Variants in SSBP2 observed in about 807,000 individuals in gnomAD.
SSBP2 encodes the protein single-stranded DNA-binding protein 2.
In SSBP2, 17 loss-of-function variants were observed where a neutral mutation model predicts 61.8. That is an observed-to-expected ratio of 0.28 (90% CI 0.19 to 0.41). SSBP2 has a LOEUF of 0.41. Among genes scored for constraint, SSBP2 ranks in the 10% least tolerant of loss-of-function variants. The pLI, the probability that SSBP2 is intolerant of heterozygous loss-of-function variation, is 1.00. For missense variants in SSBP2, 310 were observed against 458.7 expected (o/e 0.68, Z 2.96); for synonymous variants, 139 against 141.3 (o/e 0.98, Z 0.12).
chr5:81,654,690 G>C (rs1337229076), intron 1 of SSBP2, among the ~76,000 whole-genome samples: 1 of 152,168 alleles, frequency 6.6e-6, no homozygotes, highest in African/African-American at 2.4e-5. Context: ...AGAATGTCCA[G>C]AAAGTTCTGG....
At chr5:81,721,705 A>G (rs1755552498) in intron 1 of SSBP2, among the ~76,000 whole-genome samples, 1 of 152,138 alleles carries the variant, frequency 6.6e-6, no homozygotes, top group Non-Finnish European at 1.5e-5. Context: ...AACCTGAACT[A>G]AATTCTCTAA....
At chr5:81,421,088 A>C (rs1020336858) in intron 16 of SSBP2, among the ~76,000 whole-genome samples, 2 of 152,190 alleles carry the variant, frequency 1.3e-5, no homozygotes, top group African/African-American at 4.8e-5. Context: ...AAACAGAAAC[A>C]ACTCCAAGCT....
intron 4 of SSBP2, among the ~76,000 whole-genome samples, chr5:81,533,304 C>T (rs901522233): frequency 3.3e-5 from 5 of 150,990 alleles, no homozygotes; most frequent in African/African-American, 1.2e-4. Context: ...GACAAAATTG[C>T]ATGGGAAATT....
At chr5:81,583,446 G>A (rs1055950171) in intron 4 of SSBP2, among the ~76,000 whole-genome samples, 33 of 151,930 alleles carry the variant, frequency 2.2e-4, no homozygotes, top group East Asian at 1.4e-3. Flanking sequence ...TGGCTAACAC[G>A]GTGAAACCCC....
chr5:81,559,423 C>T (rs1189631193), intron 4 of SSBP2, among the ~76,000 whole-genome samples: 1 of 149,272 alleles, frequency 6.7e-6, no homozygotes, highest in Non-Finnish European at 1.5e-5. Context: ...GGCATGGTGG[C>T]ACATGCCTGT....
chr5:81,600,211 C>T (rs1330602152), intron 4 of SSBP2, among the ~76,000 whole-genome samples: 2 of 152,046 alleles, frequency 1.3e-5, no homozygotes, highest in Non-Finnish European at 1.5e-5. Context: ...CTGTGGATCA[C>T]AAATAATGCA....
intron 1 of SSBP2, among the ~76,000 whole-genome samples, chr5:81,688,664 G>A (rs1752995754): frequency 6.6e-6 from 1 of 152,190 alleles, no homozygotes; most frequent in Non-Finnish European, 1.5e-5. Flanking sequence ...AGACCAACAA[G>A]GCAGTACCTC....
intron 4 of SSBP2, among the ~76,000 whole-genome samples, chr5:81,583,377 C>G (rs895873676): frequency 1.3e-5 from 2 of 152,056 alleles, no homozygotes; most frequent in Non-Finnish European, 2.9e-5. Flanking sequence ...CGCTTGTAAT[C>G]CCAGCACTTT....
chr5:81,421,352 A>C (rs1471197925), intron 16 of SSBP2, among the ~76,000 whole-genome samples: 2 of 151,938 alleles, frequency 1.3e-5, no homozygotes, highest in Non-Finnish European at 2.9e-5. Flanking sequence ...GCCACCATGC[A>C]TGGCTAATTT....
rs571167851 is a variant in SSBP2, at chr5:81,741,297, A to G, written c.62+9684T>C. Among the ~76,000 whole-genome samples, 68 of 152,356 alleles carry G rather than the reference A, an allele frequency of 4.5e-4. No individual in the cohort carries two copies. In the South Asian group the frequency reaches 0.014, roughly 31 times the overall value. ...CGAATAGTCAAATTCTTGGAGACAG[A>G]AAATAGAATGGTAGTTGTCAAGGGC... On this transcript the variant is annotated intron_variant, in intron 1 of 16. Transcript: ENST00000320672.
At chr5:81,484,119 A>G (rs1018898266) in intron 6 of SSBP2, among the ~76,000 whole-genome samples, 20 of 152,174 alleles carry the variant, frequency 1.3e-4, no homozygotes, top group African/African-American at 4.8e-4. Flanking sequence ...CTCAACAAGT[A>G]TCTCTTGAAT....
chr5:81,731,997 T>A (rs1384438786), intron 1 of SSBP2, among the ~76,000 whole-genome samples: 1 of 152,096 alleles, frequency 6.6e-6, no homozygotes, highest in African/African-American at 2.4e-5. Flanking sequence ...CTTCAAAAGA[T>A]GGTCTGTGAT....
At chr5:81,577,110 T>C (rs937629593) in intron 4 of SSBP2, among the ~76,000 whole-genome samples, 24 of 152,096 alleles carry the variant, frequency 1.6e-4, no homozygotes, top group African/African-American at 5.8e-4. Flanking sequence ...CATGTATTTT[T>C]ATATGTTTAC....
At chr5:81,591,196 A>T (rs1473277397) in intron 4 of SSBP2, among the ~76,000 whole-genome samples, 1 of 152,188 alleles carries the variant, frequency 6.6e-6, no homozygotes, top group Non-Finnish European at 1.5e-5. Flanking sequence ...ATGCTAGAGA[A>T]ATCTGAAACC....
chr5:81,704,992 G>A (rs1398950601), intron 1 of SSBP2, among the ~76,000 whole-genome samples: 2 of 151,814 alleles, frequency 1.3e-5, no homozygotes, highest in East Asian at 1.9e-4. Context: ...ACCTTTTTGT[G>A]CAGAAGGTTT....
intron 1 of SSBP2, among the ~76,000 whole-genome samples, chr5:81,674,092 C>G (rs556267801): frequency 6.6e-6 from 1 of 152,236 alleles, no homozygotes; most frequent in South Asian, 2.1e-4. Context: ...TCAAGAGTAA[C>G]AGAACTAGTG....
chr5:81,639,054 C>T (rs913463483), intron 2 of SSBP2, among the ~76,000 whole-genome samples: 39 of 152,022 alleles, frequency 2.6e-4, no homozygotes, highest in African/African-American at 9.2e-4. Context: ...CACAAAAAAC[C>T]ACCATTATTA....
At chr5:81,611,966 A>C (rs914889706) in intron 4 of SSBP2, among the ~76,000 whole-genome samples, 3 of 152,106 alleles carry the variant, frequency 2.0e-5, no homozygotes, top group Non-Finnish European at 4.4e-5. Flanking sequence ...TGTACTTAAA[A>C]ATTTCTTAAG....
At chr5:81,594,259 T>A (rs1743460708) in intron 4 of SSBP2, among the ~76,000 whole-genome samples, 1 of 152,146 alleles carries the variant, frequency 6.6e-6, no homozygotes, top group Non-Finnish European at 1.5e-5. Flanking sequence ...CATTACATAA[T>A]GGTAAAGGGA....
Sources: allele counts gnomAD v4.1 joint callset (sites outside exome capture counted in the v4.1 genomes callset), GRCh38; gene constraint gnomAD v4.1.1; transcripts MANE v1.5; gene names NCBI Gene and HGNC (gene_info 2026-07-23, HGNC 2026-07-21).